Variants in PCSK5 observed in about 807,000 individuals in gnomAD.
PCSK5 encodes the protein proprotein convertase subtilisin/kexin type 5.
A neutral mutation model predicts 233.2 loss-of-function variants in PCSK5; 129 were observed. That is an observed-to-expected ratio of 0.55 (90% confidence interval 0.48 to 0.64). PCSK5 has a LOEUF of 0.64. Among genes scored for constraint, PCSK5 ranks in the 30% least tolerant of loss-of-function variants. PCSK5 has a pLI of 0.00. For missense variants in PCSK5, 2,076 were observed against 2,430.1 expected (o/e 0.85, Z 3.06); for synonymous variants, 825 against 879.2 (o/e 0.94, Z 1.09).
chr9:76,165,249 T>C lies in PCSK5; in HGVS notation c.1620-4455T>C, dbSNP rs547312959. ...GAGAAAATTTCCAGGAATATTAGCC[T>C]GATGTCTAGTTCTGTAGTGGACATA... On this transcript the variant is annotated intron_variant, in intron 12 of 37. Transcript: ENST00000674117. Among the ~76,000 whole-genome samples, 4 of 152,350 alleles carry C rather than the reference T, an allele frequency of 2.6e-5. No individual in the cohort carries two copies. The South Asian group carries it at 8.3e-4, about 32-fold the overall frequency.
At chr9:76,348,014 T>C (rs1214631905) in intron 35 of PCSK5, among the ~76,000 whole-genome samples, 2 of 152,118 alleles carry the variant, frequency 1.3e-5, no homozygotes, top group African/African-American at 4.8e-5. Flanking sequence ...CTCACACCTG[T>C]AATCCCAGCA....
At chr9:76,014,149 GC>G (rs1827849655) in intron 3 of PCSK5, among the ~76,000 whole-genome samples, 1 of 152,038 alleles carries the variant, frequency 6.6e-6, no homozygotes, top group Admixed American at 6.6e-5. Context: ...TTCTATGCAA[GC>G]AGAATTTTGC....
chr9:76,260,668 C>T (rs1395583556), intron 24 of PCSK5, among the ~76,000 whole-genome samples: 1 of 152,180 alleles, frequency 6.6e-6, no homozygotes, highest in Admixed American at 6.5e-5. Context: ...GGAAACAGAT[C>T]CTTTCCCAGA....
At chr9:75,963,894 A>G (rs910392636) in intron 2 of PCSK5, among the ~76,000 whole-genome samples, 1 of 142,610 alleles carries the variant, frequency 7.0e-6, no homozygotes, top group African/African-American at 2.8e-5. Flanking sequence ...AATAAAAATT[A>G]AAAAAAAAAT....
Position 75,890,985 on chromosome 9 carries a change from G to A in PCSK5, c.-197G>A. ...GAGCACAGGTCCCGGCAGCCCCAGG[G>A]ATGGTCTAGGAGCCGGCGTAAGGCT... On this transcript the variant is annotated 5_prime_UTR_variant, in exon 1 of 38. Transcript: ENST00000674117. 1 of 430,992 alleles carries A rather than the reference G, an allele frequency of 2.3e-6. No individual in the cohort carries two copies. The highest frequency in any genetic ancestry group is 7.5e-5 in the South Asian group (1 of 13,402). 26.7% of individuals were successfully genotyped at this position (430,992 alleles called of 1,614,324 possible). A position where few individuals can be genotyped will look rare whatever the true frequency, so the allele number is the denominator to read the frequency against.
intron 21 of PCSK5, among the ~76,000 whole-genome samples, chr9:76,230,390 C>T (rs925497966): frequency 2.0e-5 from 3 of 152,204 alleles, no homozygotes; most frequent in African/African-American, 7.2e-5. Context: ...CCCTTTCCTA[C>T]ATAAACATGG....
intron 20 of PCSK5, among the ~76,000 whole-genome samples, chr9:76,211,615 AG>A (rs1825330725): frequency 6.6e-6 from 1 of 152,218 alleles, no homozygotes; most frequent in Admixed American, 6.5e-5. Context: ...GGGGAGGCTG[AG>A]GTGGGAGGAT....
chr9:76,076,626 A>C (rs1162782783), intron 7 of PCSK5, among the ~76,000 whole-genome samples: 1 of 152,212 alleles, frequency 6.6e-6, no homozygotes, highest in Non-Finnish European at 1.5e-5. Flanking sequence ...CTGCAAGCTA[A>C]TGAAAAAATG....
At chr9:75,965,561 T>G (rs1246662609) in intron 2 of PCSK5, among the ~76,000 whole-genome samples, 1 of 152,172 alleles carries the variant, frequency 6.6e-6, no homozygotes, top group Non-Finnish European at 1.5e-5. Flanking sequence ...ATTCAGGCCA[T>G]CAGTGGATTG....
At chr9:76,325,497 C>A (rs1829333379) in intron 32 of PCSK5, among the ~76,000 whole-genome samples, 1 of 152,104 alleles carries the variant, frequency 6.6e-6, no homozygotes. Flanking sequence ...GGGTTGAGAG[C>A]CATTGAGGTA....
intron 24 of PCSK5, among the ~76,000 whole-genome samples, chr9:76,275,941 G>A (rs370232586): frequency 1.6e-4 from 24 of 152,186 alleles, no homozygotes; most frequent in South Asian, 2.1e-4. Flanking sequence ...ATCTATACTC[G>A]TTACAGTATC....
chr9:76,108,611 G>T (rs564454441), intron 9 of PCSK5, among the ~76,000 whole-genome samples: 1 of 152,120 alleles, frequency 6.6e-6, no homozygotes, highest in African/African-American at 2.4e-5. Flanking sequence ...AAATTAGTTC[G>T]GTGTGGTGGT....
Position 75,891,073 on chromosome 9 carries a change from G to GGCGGCCCGGGGCTGCGAGCTGCA in PCSK5, c.-94_-93insGAGCTGCAGCGGCCCGGGGCTGC. 2 of 1,041,710 alleles carry GGCGGCCCGGGGCTGCGAGCTGCA rather than the reference G, an allele frequency of 1.9e-6. No homozygotes were observed. The highest frequency in any genetic ancestry group is 2.5e-6 in the Non-Finnish European group (2 of 786,676). 64.5% of individuals were successfully genotyped at this position (1,041,710 alleles called of 1,614,324 possible). On this transcript the variant is annotated 5_prime_UTR_variant, in exon 1 of 38. Transcript: ENST00000674117. The stretch of plus-strand genomic sequence containing the variant: ...CCGATCGCCCGGGGCTGCGAGCTGC[G>GGCGGCCCGGGGCTGCGAGCTGCA]GCGGCCCGGGGCTGCTCGCCGGGCG...
chr9:75,957,638 A>ATT (rs1474116241), intron 2 of PCSK5, among the ~76,000 whole-genome samples: 1 of 152,190 alleles, frequency 6.6e-6, no homozygotes, highest in Non-Finnish European at 1.5e-5. Context: ...CTGTCTCCTA[A>ATT]TTATATATAG....
chr9:76,259,358 G>A (rs113476852), intron 24 of PCSK5, among the ~76,000 whole-genome samples: 3,580 of 151,752 alleles, frequency 0.024, 133 homozygotes, highest in African/African-American at 0.081. Context: ...TACCAATGTG[G>A]CTGGGTCCTT....
intron 2 of PCSK5, among the ~76,000 whole-genome samples, chr9:75,966,412 C>T (rs1587431428): frequency 6.6e-6 from 1 of 152,112 alleles, no homozygotes; most frequent in Admixed American, 6.5e-5. Flanking sequence ...GAAGTGTCTC[C>T]CCTCAACAAT....
At chr9:76,132,389 A>G (rs1234345684) in intron 9 of PCSK5, among the ~76,000 whole-genome samples, 1 of 152,104 alleles carries the variant, frequency 6.6e-6, no homozygotes, top group African/African-American at 2.4e-5. Context: ...TTCTGTTTTC[A>G]TCGTTCTCAT....
At chr9:76,046,549 CTTTCTT>C (rs1563993395) in intron 5 of PCSK5, among the ~76,000 whole-genome samples, 3 of 115,820 alleles carry the variant, frequency 2.6e-5, no homozygotes, top group Admixed American at 8.6e-5. Context: ...CTTTTTTTTT[CTTTCTT>C]TTTCTTTTTT....
At chr9:76,044,333 G>A (rs1829287041) in intron 5 of PCSK5, among the ~76,000 whole-genome samples, 1 of 152,204 alleles carries the variant, frequency 6.6e-6, no homozygotes, top group Admixed American at 6.5e-5. Flanking sequence ...AATATGAGGA[G>A]ATTAGAATTA....
Sources: gnomAD v4.1 joint callset for allele counts (sites outside exome capture counted in the v4.1 genomes callset) on GRCh38, gnomAD v4.1.1 for gene constraint, MANE v1.5 for transcripts, NCBI Gene and HGNC (gene_info 2026-07-23, HGNC 2026-07-21) for gene names.